GPR158: variants seen among roughly 807,000 people sequenced by gnomAD.
GPR158 encodes the protein G protein-coupled receptor 158.
GPR158 carries 30 observed loss-of-function variants against 78.2 expected under a neutral mutation model. The observed-to-expected ratio is 0.38, with a 90% CI of 0.29 to 0.52. The LOEUF (loss-of-function observed/expected upper bound fraction) is 0.52, where lower values mean the gene tolerates loss of function less well. Ranked by LOEUF, GPR158 falls within the 20% of genes least tolerant of loss-of-function variation. The probability of loss-of-function intolerance (pLI) is 0.83; values close to 1 mark genes in which losing one functional copy is unlikely to be tolerated. For missense variants in GPR158, 1,463 were observed against 1,523.5 expected (o/e 0.96, Z 0.66); for synonymous variants, 581 against 591.1 (o/e 0.98, Z 0.25).
At chr10:25,296,527 A>G (rs1854517842) in intron 2 of GPR158, among the ~76,000 whole-genome samples, 1 of 152,072 alleles carries the variant, frequency 6.6e-6, no homozygotes, top group Non-Finnish European at 1.5e-5. Context: ...TTATTGATTG[A>G]TCTTTCCTTG....
chr10:25,457,583 A>G (rs940211888), intron 4 of GPR158, among the ~76,000 whole-genome samples: 4 of 152,196 alleles, frequency 2.6e-5, no homozygotes, highest in African/African-American at 9.6e-5. Flanking sequence ...CGGTGAAGCC[A>G]TCGGAAAAAT....
chr10:25,327,053 G>A (rs1045853961), intron 2 of GPR158, among the ~76,000 whole-genome samples: 1 of 152,148 alleles, frequency 6.6e-6, no homozygotes, highest in African/African-American at 2.4e-5. Context: ...TGATCAGCAT[G>A]TAACCTCATT....
intron 4 of GPR158, among the ~76,000 whole-genome samples, chr10:25,451,584 T>C (rs1835216088): frequency 6.6e-6 from 1 of 152,200 alleles, no homozygotes; most frequent in Non-Finnish European, 1.5e-5. Context: ...ATGACAGCTT[T>C]ACAAAATGGG....
intron 4 of GPR158, among the ~76,000 whole-genome samples, chr10:25,426,444 C>T (rs1834821305): frequency 6.6e-6 from 1 of 152,090 alleles, no homozygotes; most frequent in Admixed American, 6.6e-5. Context: ...GTAATCATTT[C>T]TAGCTTTTGA....
At chr10:25,560,184 C>T (rs559725366) in intron 6 of GPR158, among the ~76,000 whole-genome samples, 12 of 152,172 alleles carry the variant, frequency 7.9e-5, no homozygotes, top group African/African-American at 1.4e-4. Flanking sequence ...GGTTGCATCA[C>T]GTATTTGTGT....
intron 2 of GPR158, among the ~76,000 whole-genome samples, chr10:25,238,294 T>G (rs999361626): frequency 6.6e-6 from 1 of 152,218 alleles, no homozygotes; most frequent in African/African-American, 2.4e-5. Flanking sequence ...AGGTAATCTT[T>G]CCAGTTCCGA....
In GPR158 at chr10:25,469,783, C is replaced by CAA. The variant is rs34432893; in HGVS notation, c.1404+3089_1404+3090dup. ...TGGGCAACAGAGCGAGACTCCATCT[C>CAA]AAAAAAAAAAAAAAAAAAAAAAAAA... On this transcript the variant is annotated intron_variant, in intron 5 of 10. Transcript: ENST00000376351. Among the ~76,000 whole-genome samples, 438 of 47,304 alleles carry CAA rather than the reference C, an allele frequency of 9.3e-3. 27 individuals carry two copies. The highest frequency in any genetic ancestry group is 0.013 in the African/African-American group (170 of 13,036). 31.0% of individuals were successfully genotyped at this position (47,304 alleles called of 152,430 possible). A position where few individuals can be genotyped will look rare whatever the true frequency, so the allele number is the denominator to read the frequency against.
intron 1 of GPR158, among the ~76,000 whole-genome samples, chr10:25,216,945 C>T (rs1483435607): frequency 6.6e-6 from 1 of 152,062 alleles, no homozygotes; most frequent in African/African-American, 2.4e-5. Flanking sequence ...TTATGTCATT[C>T]CAAGGAACGT....
At chr10:25,592,381 A>G (rs1837352864) in intron 8 of GPR158, among the ~76,000 whole-genome samples, 1 of 152,034 alleles carries the variant, frequency 6.6e-6, no homozygotes, top group Admixed American at 6.6e-5. Flanking sequence ...TGCTAAGCAT[A>G]AAGCAAATCT....
chr10:25,438,822 A>G (rs1440360900), intron 4 of GPR158, among the ~76,000 whole-genome samples: 1 of 152,200 alleles, frequency 6.6e-6, no homozygotes, highest in South Asian at 2.1e-4. Flanking sequence ...TTATTTCTTG[A>G]GTCTTATTTC....
At chr10:25,387,550 C>T (rs796299527) in intron 2 of GPR158, among the ~76,000 whole-genome samples, 2 of 143,932 alleles carry the variant, frequency 1.4e-5, no homozygotes, top group African/African-American at 5.5e-5. Context: ...GGGTGTTGCT[C>T]TGTCACCCAG....
At chr10:25,378,460 T>C (rs1159722029) in intron 2 of GPR158, among the ~76,000 whole-genome samples, 2 of 151,824 alleles carry the variant, frequency 1.3e-5, no homozygotes, top group Non-Finnish European at 2.9e-5. Flanking sequence ...CTTCCTACTT[T>C]CCTTCTTTCT....
At chr10:25,510,085 C>T (rs190302568) in intron 5 of GPR158, among the ~76,000 whole-genome samples, 4 of 152,148 alleles carry the variant, frequency 2.6e-5, no homozygotes, top group Non-Finnish European at 4.4e-5. Context: ...CTGGACGAGG[C>T]AGTTACAAGG....
chr10:25,282,820 ATTG>A (rs376057408), intron 2 of GPR158, among the ~76,000 whole-genome samples: 11 of 151,990 alleles, frequency 7.2e-5, no homozygotes, highest in African/African-American at 2.7e-4. Flanking sequence ...TTTCAATTGT[ATTG>A]TTTGCTTTCT....
chr10:25,401,269 C>A (rs1338196249), intron 3 of GPR158, among the ~76,000 whole-genome samples: 2 of 152,272 alleles, frequency 1.3e-5, no homozygotes, highest in African/African-American at 2.4e-5. Context: ...CTGACTTCAA[C>A]CTTGTAGTCT....
chr10:25,235,475 G>T (rs1339746048), intron 2 of GPR158, among the ~76,000 whole-genome samples: 1 of 148,222 alleles, frequency 6.7e-6, no homozygotes, highest in Non-Finnish European at 1.5e-5. Context: ...TCTGCTCTTA[G>T]CTTGCTTGTA....
chr10:25,454,971 A>G (rs1284535861), intron 4 of GPR158, among the ~76,000 whole-genome samples: 2 of 152,204 alleles, frequency 1.3e-5, no homozygotes, highest in Non-Finnish European at 2.9e-5. Flanking sequence ...TTGGTCAACA[A>G]AATTTTGGGA....
At position 25,597,998 on chromosome 10, in the gene GPR158, A is replaced by G. The variant is rs767666718; in HGVS notation, c.2372A>G (p.Asn791Ser). The change falls in exon 11 of 11, where the codon AAC becomes AGC. Residue 791 changes from asparagine (N) to serine (S), a missense_variant. Transcript: ENST00000376351. ...AAAGGCACTGCCCTCATCAGGAAGA[A>G]CCCCCCAGAGTCTTCAGGGAACACA... ...TAKGTALIRK[N>S]PPESSGNTGK... The G allele has an allele frequency of 1.5e-5, 24 of 1,613,728 alleles. No homozygotes were observed. The East Asian group carries it at 2.2e-4, about 15-fold the overall frequency.
Position 25,366,132 on chromosome 10 carries a change from C to CTTTTGTTTTTGT in GPR158, c.1009-29762_1009-29751dup, listed in dbSNP as rs762295320. Among the ~76,000 whole-genome samples the CTTTTGTTTTTGT allele has an allele frequency of 4.0e-5, 6 of 151,302 alleles. No homozygotes were observed. The South Asian group carries it at 1.2e-3, about 31-fold the overall frequency. On this transcript the variant is annotated intron_variant, in intron 2 of 10. Coordinates refer to ENST00000376351, the MANE Select transcript of GPR158 (RefSeq NM_020752.3). ...ATTTCTTCATTCTACTGTAGACAAACTTTTGTTTTTGTTTTTGTTTTTGTT... is the reference window on the plus strand; with the variant it reads ...ATTTCTTCATTCTACTGTAGACAAACTTTTGTTTTTGTTTTTGTTTTTGTTTTTGTTTTTGTT...
Sources: allele counts gnomAD v4.1 joint callset (sites outside exome capture counted in the v4.1 genomes callset), GRCh38; gene constraint gnomAD v4.1.1; transcripts MANE v1.5; gene names NCBI Gene and HGNC (gene_info 2026-07-23, HGNC 2026-07-21).